WDR70: variants seen among roughly 807,000 people sequenced by gnomAD.
The protein encoded by WDR70 is WD repeat domain 70.
A neutral mutation model predicts 88.6 loss-of-function variants in WDR70; 53 were observed. That is an observed-to-expected ratio of 0.60 (90% CI 0.48 to 0.75). The LOEUF is 0.75. Among genes scored for constraint, WDR70 ranks in the 30% least tolerant of loss-of-function variants. The probability of loss-of-function intolerance (pLI) is 0.00; values close to 1 mark genes in which losing one functional copy is unlikely to be tolerated. For synonymous variants in WDR70, 280 were observed against 270.0 expected, an observed-to-expected ratio of 1.04 and a Z score of -0.36; for missense variants, 610 against 823.2, an observed-to-expected ratio of 0.74 and a Z score of 3.17.
chr5:37,696,668 CACACACGCGCGTG>C (rs1746992303), intron 10 of WDR70, among the ~76,000 whole-genome samples: 1 of 85,668 alleles, frequency 1.2e-5, no homozygotes, highest in Non-Finnish European at 2.7e-5. Flanking sequence ...CACAGGTACA[CACACACGCGCGTG>C]CACACACACC....
chr5:37,403,251 A>T (rs906326082), intron 5 of WDR70, among the ~76,000 whole-genome samples: 5 of 152,040 alleles, frequency 3.3e-5, no homozygotes, highest in Non-Finnish European at 5.9e-5. Flanking sequence ...CCCGGTCCCC[A>T]ATCTTTCTAA....
In WDR70 at chr5:37,392,068, C is replaced by G. The variant is rs770250316; in HGVS notation, c.244C>G (p.Pro82Ala). ...AAGAAGACAAAATGAAGATATTGAG[C>G]CAACATCCTCAAGATCAAATGTGGT... ...ELRRQNEDIE[P>A]TSSRSNVVRD... Residue 82 changes from proline (P) to alanine (A), a missense_variant, in exon 4 of 18, where the codon CCA becomes GCA. Physicochemically the swap from Pro to Ala is conservative, Grantham distance 27 (BLOSUM62 -1). Around this residue, in one of 4 missense-constraint regions of WDR70, gnomAD observed 203 missense variants for 228.1 expected, o/e 0.89. Transcript: ENST00000265107. 2.5e-6 allele frequency: 4 copies of G among 1,612,306 alleles called. No homozygotes were observed. The highest frequency in any genetic ancestry group is 1.1e-5 in the South Asian group (1 of 90,642).
At chr5:37,383,843 A>T (rs1275182716) in intron 3 of WDR70, among the ~76,000 whole-genome samples, 2 of 152,144 alleles carry the variant, frequency 1.3e-5, no homozygotes, top group East Asian at 3.9e-4. Context: ...TTGGCCTCCC[A>T]AAGTGCTGGG....
rs571374688 is a variant in WDR70, at chr5:37,549,870, T to C, written c.917+33280T>C. 2.0e-5 allele frequency among the ~76,000 whole-genome samples: 3 copies of C among 148,592 alleles called. No homozygotes were observed. The East Asian group carries it at 5.8e-4, about 29-fold the overall frequency. On this transcript the variant is annotated intron_variant, in intron 9 of 17. Coordinates refer to ENST00000265107, the MANE Select transcript of WDR70 (RefSeq NM_018034.4). ...AAGGGATGTTGAATTTTTTTTTGCT[T>C]TTTTTTTTTTGAGACAGAGCCTCAC... is the stretch of plus-strand genomic sequence containing the variant.
chr5:37,672,193 G>A (rs1357409711), intron 10 of WDR70, among the ~76,000 whole-genome samples: 4 of 152,044 alleles, frequency 2.6e-5, no homozygotes, highest in African/African-American at 9.7e-5. Flanking sequence ...GTGGAAAGCC[G>A]CAGGGACCTC....
At chr5:37,527,601 G>A (rs577989224) in intron 9 of WDR70, among the ~76,000 whole-genome samples, 3 of 152,248 alleles carry the variant, frequency 2.0e-5, no homozygotes, top group Non-Finnish European at 4.4e-5. Flanking sequence ...AACAACAAAA[G>A]CAATGGCAAT....
At chr5:37,641,397 C>T (rs573315826) in intron 10 of WDR70, among the ~76,000 whole-genome samples, 7 of 143,842 alleles carry the variant, frequency 4.9e-5, no homozygotes, top group South Asian at 2.2e-4. Context: ...TGGGCCACCA[C>T]ACCTGTCCAC....
chr5:37,393,204 G>A (rs1183560040), intron 4 of WDR70, among the ~76,000 whole-genome samples: 2 of 151,254 alleles, frequency 1.3e-5, no homozygotes, highest in African/African-American at 4.9e-5. Flanking sequence ...ACCATGCCCA[G>A]CTAATTTTTG....
intron 7 of WDR70, among the ~76,000 whole-genome samples, chr5:37,457,190 G>A (rs1406188864): frequency 6.6e-6 from 1 of 152,100 alleles, no homozygotes; most frequent in African/African-American, 2.4e-5. Context: ...CCACCTCCTG[G>A]GTTCAAGCAA....
At chr5:37,637,280 G>A (rs1054816006) in intron 10 of WDR70, among the ~76,000 whole-genome samples, 7 of 151,616 alleles carry the variant, frequency 4.6e-5, no homozygotes, top group Admixed American at 3.9e-4. Context: ...GGCGAAGTTT[G>A]CAGTGAGCCA....
chr5:37,420,084 C>T (rs1011277735), intron 5 of WDR70, among the ~76,000 whole-genome samples: 24 of 151,980 alleles, frequency 1.6e-4, no homozygotes, highest in Non-Finnish European at 2.8e-4. Context: ...TATTCTTGGT[C>T]AGCCACAGTG....
chr5:37,436,057 T>G (rs1750458279), intron 5 of WDR70, among the ~76,000 whole-genome samples: 1 of 152,086 alleles, frequency 6.6e-6, no homozygotes, highest in African/African-American at 2.4e-5. Flanking sequence ...GCCATAGAAA[T>G]GCATAAGAGG....
At chr5:37,528,080 G>A (rs936174024) in intron 9 of WDR70, among the ~76,000 whole-genome samples, 13 of 152,118 alleles carry the variant, frequency 8.5e-5, no homozygotes, top group African/African-American at 2.4e-4. Flanking sequence ...GTGATTCCTC[G>A]AGGATCTATA....
chr5:37,724,872 C>G, intron 15 of WDR70, 62 bp from the exon 16 acceptor site: 2 of 1,396,596 alleles, frequency 1.4e-6, no homozygotes, highest in South Asian at 1.2e-5. Flanking sequence ...CATGCTTTAA[C>G]TATGTTTTTG....
At chr5:37,598,722 T>A (rs1743773100) in intron 9 of WDR70, among the ~76,000 whole-genome samples, 1 of 152,226 alleles carries the variant, frequency 6.6e-6, no homozygotes, top group Non-Finnish European at 1.5e-5. Flanking sequence ...GGCCATTAGA[T>A]ATCTGTCAAA....
At chr5:37,484,248 A>G (rs1424967713) in intron 8 of WDR70, among the ~76,000 whole-genome samples, 1 of 152,164 alleles carries the variant, frequency 6.6e-6, no homozygotes, top group Non-Finnish European at 1.5e-5. Flanking sequence ...ACGCCACTGC[A>G]CTCCAGCCTG....
chr5:37,454,970 G>A (rs1738787017), intron 7 of WDR70, among the ~76,000 whole-genome samples: 1 of 151,996 alleles, frequency 6.6e-6, no homozygotes, highest in Admixed American at 6.6e-5. Flanking sequence ...CCAGTTTTTT[G>A]GTGTTCTGAT....
chr5:37,751,922 A>T (rs576874983), intron 17 of WDR70, among the ~76,000 whole-genome samples: 1 of 152,322 alleles, frequency 6.6e-6, no homozygotes, highest in South Asian at 2.1e-4. Context: ...TGGCATTTCC[A>T]TGCATTGGGC....
intron 5 of WDR70, among the ~76,000 whole-genome samples, chr5:37,431,849 C>A (rs551824651): frequency 6.6e-6 from 1 of 152,302 alleles, no homozygotes; most frequent in Admixed American, 6.5e-5. Flanking sequence ...AATATAATGT[C>A]TTCAAGGTTC....
Sources: gnomAD v4.1 joint callset for allele counts (sites outside exome capture counted in the v4.1 genomes callset) on GRCh38, gnomAD v4.1.1 for gene constraint, gnomAD v4.1.1 regional missense constraint, MANE v1.5 for transcripts, NCBI Gene and HGNC (gene_info 2026-07-23, HGNC 2026-07-21) for gene names.